The following SLC47A1 variants were observed in gnomAD, a reference collection of about 807,000 sequenced individuals.
SLC47A1 encodes the protein multidrug and toxin extrusion protein 1.
Under a neutral mutation model 65.8 loss-of-function variants are expected in SLC47A1, and 58 were observed. The observed-to-expected ratio is 0.88, with a 90% CI of 0.71 to 1.10. The LOEUF is 1.10. Ranked by LOEUF, SLC47A1 falls within the 50% of genes least tolerant of loss-of-function variation. SLC47A1 has a pLI of 0.00. For synonymous variants in SLC47A1, 285 were observed against 295.0 expected (o/e 0.97, Z 0.35); for missense variants, 706 against 719.2 (o/e 0.98, Z 0.21).
At chr17:19,550,138 T>C (rs1298235303) in intron 5 of SLC47A1, among the ~76,000 whole-genome samples, 1 of 152,146 alleles carries the variant, frequency 6.6e-6, no homozygotes, top group Non-Finnish European at 1.5e-5. Flanking sequence ...TTTGGTGTTT[T>C]TGAGACAGGG....
chr17:19,537,594 A>G (rs993975414), intron 1 of SLC47A1, among the ~76,000 whole-genome samples: 40 of 152,198 alleles, frequency 2.6e-4, no homozygotes, highest in African/African-American at 9.2e-4. Flanking sequence ...CCCTCCTCCA[A>G]TCCGTCCTCA....
intron 2 of SLC47A1, among the ~76,000 whole-genome samples, chr17:19,542,867 C>T (rs1314834280): frequency 6.6e-6 from 1 of 151,046 alleles, no homozygotes; most frequent in Non-Finnish European, 1.5e-5. Context: ...TCTCGGCTCA[C>T]TGCAACCTCT....
intron 12 of SLC47A1, among the ~76,000 whole-genome samples, chr17:19,565,914 AAAC>A (rs1271537243): frequency 1.3e-5 from 2 of 152,164 alleles, no homozygotes; most frequent in Non-Finnish European, 2.9e-5. Context: ...TTCCAGAAAT[AAAC>A]AATTCATAAG....
In SLC47A1 at chr17:19,577,734, A is replaced by G. The variant is rs1192626969; in HGVS notation, c.*181A>G. The stretch of plus-strand genomic sequence containing the variant: ...AAAAGCAACTAAGGTTAAAAGCTAT[A>G]TTGTGGCCCAAGACACTGTCTGAAA... On this transcript the variant is annotated 3_prime_UTR_variant, in exon 17 of 17. Transcript: ENST00000270570. The G allele has an allele frequency of 2.8e-6, 4 of 1,419,466 alleles. No homozygotes were observed. Among genetic ancestry groups the G allele is most frequent in the Non-Finnish European group, 3.7e-6 (4 of 1,092,676 alleles). 87.9% of individuals were successfully genotyped at this position (1,419,466 alleles called of 1,614,324 possible).
At chr17:19,565,772 G>A (rs1376651471) in intron 12 of SLC47A1, among the ~76,000 whole-genome samples, 1 of 151,620 alleles carries the variant, frequency 6.6e-6, no homozygotes, top group African/African-American at 2.4e-5. Context: ...TAGTAGAGAC[G>A]GGGTTTCACC....
chr17:19,560,546 A>G, intron 12 of SLC47A1, 53 bp downstream of exon 12: 3 of 1,571,734 alleles, frequency 1.9e-6, no homozygotes. Flanking sequence ...GAAATGGTTC[A>G]TTGAGAAAAT....
At chr17:19,551,900 T>C (rs543678739) in intron 6 of SLC47A1, among the ~76,000 whole-genome samples, 7 of 152,356 alleles carry the variant, frequency 4.6e-5, no homozygotes, top group African/African-American at 1.7e-4. Flanking sequence ...TGGCCCCACT[T>C]TTCTCATTGA....
chr17:19,575,190 C>G (rs1345021522), intron 16 of SLC47A1, among the ~76,000 whole-genome samples: 1 of 151,316 alleles, frequency 6.6e-6, no homozygotes, highest in South Asian at 2.1e-4. Flanking sequence ...CCTGTCTCAG[C>G]CTTCCAAAGT....
intron 10 of SLC47A1, among the ~76,000 whole-genome samples, chr17:19,556,783 C>A (rs1302578745): frequency 6.6e-6 from 1 of 152,142 alleles, no homozygotes; most frequent in Non-Finnish European, 1.5e-5. Context: ...TCTTGAACTC[C>A]TGACCTCAGG....
intron 1 of SLC47A1, among the ~76,000 whole-genome samples, chr17:19,541,811 G>C (rs1222842869): frequency 6.6e-6 from 1 of 152,160 alleles, no homozygotes; most frequent in Non-Finnish European, 1.5e-5. Flanking sequence ...GTGATCTATG[G>C]CTTGAGAAAC....
intron 3 of SLC47A1, 61 bp downstream of exon 3, chr17:19,546,564 G>A: frequency 6.6e-7 from 1 of 1,515,468 alleles, no homozygotes; most frequent in Non-Finnish European, 9.1e-7. Flanking sequence ...AGTGTAGATG[G>A]AAGAGCTCCA....
chr17:19,544,188 C>A (rs1441055287), intron 2 of SLC47A1, among the ~76,000 whole-genome samples: 2 of 152,236 alleles, frequency 1.3e-5, no homozygotes, highest in African/African-American at 2.4e-5. Flanking sequence ...TCGTGATCTG[C>A]CCTCCTCAGC....
intron 1 of SLC47A1, among the ~76,000 whole-genome samples, chr17:19,538,835 G>A (rs1916064264): frequency 6.6e-6 from 1 of 152,178 alleles, no homozygotes; most frequent in South Asian, 2.1e-4. Flanking sequence ...AAGCTGCCAG[G>A]CGCTGAAGGT....
intron 12 of SLC47A1, among the ~76,000 whole-genome samples, chr17:19,562,008 C>T (rs2084315067): frequency 6.6e-6 from 1 of 152,150 alleles, no homozygotes; most frequent in Admixed American, 6.5e-5. Flanking sequence ...TTGGATAAGT[C>T]CCCTCTGCTC....
intron 14 of SLC47A1, among the ~76,000 whole-genome samples, chr17:19,568,916 G>T (rs886304280): frequency 2.0e-5 from 3 of 151,740 alleles, no homozygotes; most frequent in Non-Finnish European, 4.4e-5. Context: ...TTACAGATGG[G>T]GTCTTGCTAT....
chr17:19,567,443 C>T (rs564962005), intron 14 of SLC47A1, among the ~76,000 whole-genome samples: 2 of 152,186 alleles, frequency 1.3e-5, no homozygotes, highest in Non-Finnish European at 2.9e-5. Context: ...CCTCACACCC[C>T]TGCGGGCGAT....
In SLC47A1 at chr17:19,566,858, C is replaced by T. The variant is rs1567576827; in HGVS notation, c.1175C>T (p.Ala392Val). 1.2e-6 allele frequency: 2 copies of T among 1,614,118 alleles called. No homozygotes were observed. Among genetic ancestry groups the T allele is most frequent in the African/African-American group, 1.3e-5 (1 of 75,044 alleles). ...GTTTCCCACCTCTTTGAAGCTCTTG[C>T]TGTAAGTATTATGTAGTAGTCCCCT... ...YAVSHLFEAL[A>V]CTSGGVLRGS... The change falls in exon 13 of 17, where the codon GCT becomes GTT. Residue 392 changes from alanine (A) to valine (V), a missense_variant and splice_region_variant. Physicochemically the swap from Ala to Val is moderately conservative, Grantham distance 64 (BLOSUM62 0). Transcript: ENST00000270570.
chr17:19,556,078 G>A lies in SLC47A1; in HGVS notation c.921+16G>A, dbSNP rs749479958. On this transcript the variant is annotated intron_variant, in intron 10 of 16. Coordinates refer to ENST00000270570, the MANE Select transcript of SLC47A1 (RefSeq NM_018242.3). Reference sequence around the variant, plus strand: ...TGTGTACATGGTAAGCAGGGGAGCCGATCATGGGGAGGTGCCAGGCGTTTT... The same window carrying A: ...TGTGTACATGGTAAGCAGGGGAGCCAATCATGGGGAGGTGCCAGGCGTTTT... 54 of 1,613,008 alleles carry A rather than the reference G, an allele frequency of 3.3e-5. No individual in the cohort carries two copies. Among genetic ancestry groups the A allele is most frequent in the Middle Eastern group, 1.9e-4 (1 of 5,372 alleles).
intron 2 of SLC47A1, among the ~76,000 whole-genome samples, chr17:19,542,928 G>A (rs1243589636): frequency 1.3e-5 from 2 of 149,742 alleles, no homozygotes; most frequent in East Asian, 2.0e-4. Context: ...AGTAGCTGGG[G>A]TTACAGGCGT....
Sources: gnomAD v4.1 joint callset for allele counts (sites outside exome capture counted in the v4.1 genomes callset) on GRCh38, gnomAD v4.1.1 for gene constraint, MANE v1.5 for transcripts, NCBI Gene and HGNC (gene_info 2026-07-23, HGNC 2026-07-21) for gene names.